KCND3: variants seen among roughly 807,000 people sequenced by gnomAD.
The protein encoded by KCND3 is potassium voltage-gated channel subfamily D member 3.
A neutral mutation model predicts 51.1 loss-of-function variants in KCND3; 9 were observed. That is an observed-to-expected ratio of 0.18 (90% CI 0.11 to 0.31). KCND3 has a LOEUF of 0.31. Among genes scored for constraint, KCND3 ranks in the 10% least tolerant of loss-of-function variants. The pLI, the probability that KCND3 is intolerant of heterozygous loss-of-function variation, is 1.00. For synonymous variants in KCND3, 349 were observed against 368.0 expected, an observed-to-expected ratio of 0.95 and a Z score of 0.59; for missense variants, 526 against 903.8, an observed-to-expected ratio of 0.58 and a Z score of 5.36.
intron 2 of KCND3, among the ~76,000 whole-genome samples, chr1:111,800,736 C>T (rs1042382208): frequency 6.6e-6 from 1 of 152,162 alleles, no homozygotes; most frequent in East Asian, 1.9e-4. Flanking sequence ...CCACTTGCCC[C>T]CTGCCTAGTG....
chr1:111,961,353 C>T (rs911377883), intron 2 of KCND3, among the ~76,000 whole-genome samples: 1 of 152,220 alleles, frequency 6.6e-6, no homozygotes, highest in East Asian at 1.9e-4. Context: ...CCAACTCATC[C>T]CTGATAAATA....
intron 6 of KCND3, 71 bp downstream of exon 6, chr1:111,778,365 A>T (rs1477972567): frequency 6.9e-7 from 1 of 1,450,216 alleles, no homozygotes; most frequent in Non-Finnish European, 9.7e-7. Flanking sequence ...CCGGGGGGTA[A>T]AAAGGGGAGA....
intron 2 of KCND3, among the ~76,000 whole-genome samples, chr1:111,933,726 G>A (rs1284848606): frequency 6.6e-6 from 1 of 152,098 alleles, no homozygotes; most frequent in Non-Finnish European, 1.5e-5. Flanking sequence ...TCTCCTCCAG[G>A]AAGCTTTCCA....
intron 2 of KCND3, among the ~76,000 whole-genome samples, chr1:111,833,367 C>A (rs1345571315): frequency 1.3e-5 from 2 of 152,246 alleles, no homozygotes; most frequent in Non-Finnish European, 1.5e-5. Context: ...TTATCGGTAT[C>A]CAATATATCC....
chr1:111,829,354 G>C (rs1484864851), intron 2 of KCND3, among the ~76,000 whole-genome samples: 1 of 152,208 alleles, frequency 6.6e-6, no homozygotes, highest in East Asian at 1.9e-4. Context: ...GGCTGGAAGA[G>C]TGAAGCAGCA....
chr1:111,779,485 C>A (rs992334351), intron 5 of KCND3, among the ~76,000 whole-genome samples: 2 of 152,132 alleles, frequency 1.3e-5, no homozygotes, highest in Non-Finnish European at 2.9e-5. Context: ...CTTTGTTTCT[C>A]CTTGGCTTTT....
At chr1:111,836,210 GTC>G (rs1178365449) in intron 2 of KCND3, among the ~76,000 whole-genome samples, 24 of 152,334 alleles carry the variant, frequency 1.6e-4, no homozygotes, top group African/African-American at 5.5e-4. Flanking sequence ...GAAGAACCAA[GTC>G]ATGGGTACTG....
chr1:111,939,033 A>G (rs1672359174), intron 2 of KCND3, among the ~76,000 whole-genome samples: 1 of 152,222 alleles, frequency 6.6e-6, no homozygotes, highest in African/African-American at 2.4e-5. Context: ...CAGAACTGGC[A>G]TCACCAGGAA....
In KCND3 at chr1:111,981,102, A is replaced by C. The variant is rs1173110617; in HGVS notation, c.1106+519T>G. 6.6e-6 allele frequency among the ~76,000 whole-genome samples: 1 copy of C among 152,240 alleles called. No homozygotes were observed. The highest frequency in any genetic ancestry group is 1.5e-5 in the Non-Finnish European group (1 of 68,044). On this transcript the variant is annotated intron_variant, in intron 2 of 7. Transcript: ENST00000302127. This position sits in a 1 kb window ranked among gnomAD's most constrained non-coding sequence, Gnocchi z 6.2. ...AACGCTTGAGTGTCTGTGGCAGCAC[A>C]GGAGAAAAGCATAACAAATGGGAAA...
At chr1:111,962,240 G>A (rs2101934267) in intron 2 of KCND3, among the ~76,000 whole-genome samples, 1 of 152,330 alleles carries the variant, frequency 6.6e-6, no homozygotes, top group East Asian at 1.9e-4. Flanking sequence ...GAAAGTGGCA[G>A]AGCTGCAGAT....
rs563207710 is a variant in KCND3, at chr1:111,977,480, CTG to C, written c.1106+4139_1106+4140del. 2.4e-4 allele frequency among the ~76,000 whole-genome samples: 36 copies of C among 152,280 alleles called. No individual in the cohort carries two copies. In the East Asian group the frequency reaches 5.6e-3, roughly 24 times the overall value. ...TTTTCATTAAAGTGATTTTTGGACA[CTG>C]TCAAACGCTCTCTCATCTCAGAGCA... On this transcript the variant is annotated intron_variant, in intron 2 of 7. Coordinates refer to ENST00000302127, the MANE Select transcript of KCND3 (RefSeq NM_001378969.1).
At chr1:111,892,072 G>A (rs1302638040) in intron 2 of KCND3, among the ~76,000 whole-genome samples, 1 of 152,064 alleles carries the variant, frequency 6.6e-6, no homozygotes, top group Non-Finnish European at 1.5e-5. Flanking sequence ...GGCTGTTCAG[G>A]GTCTTGCAGA....
intron 2 of KCND3, among the ~76,000 whole-genome samples, chr1:111,901,235 G>A (rs1236399250): frequency 6.6e-6 from 1 of 152,152 alleles, no homozygotes; most frequent in Non-Finnish European, 1.5e-5. Flanking sequence ...GGAGTCCAAA[G>A]GGTGATGTGT....
intron 2 of KCND3, among the ~76,000 whole-genome samples, chr1:111,834,451 T>C (rs2101626925): frequency 6.6e-6 from 1 of 152,344 alleles, no homozygotes; most frequent in Admixed American, 6.5e-5. Context: ...TCCTTCTGGC[T>C]AAGCTCCAAT....
At chr1:111,942,250 G>T (rs1010664781) in intron 2 of KCND3, among the ~76,000 whole-genome samples, 3 of 152,164 alleles carry the variant, frequency 2.0e-5, no homozygotes, top group African/African-American at 7.2e-5. Context: ...CAATATACCA[G>T]GCACAGTTCT....
chr1:111,969,135 C>A (rs1571920098), intron 2 of KCND3, among the ~76,000 whole-genome samples: 1 of 152,166 alleles, frequency 6.6e-6, no homozygotes, highest in African/African-American at 2.4e-5. Flanking sequence ...CCACTGCCTG[C>A]CTGCCACGGG....
chr1:111,870,051 A>C (rs1281781247), intron 2 of KCND3, among the ~76,000 whole-genome samples: 3 of 152,262 alleles, frequency 2.0e-5, no homozygotes, highest in Non-Finnish European at 4.4e-5. Context: ...ATACTGGCAG[A>C]CTAATAATAG....
At chr1:111,832,448 A>G (rs184999294) in intron 2 of KCND3, among the ~76,000 whole-genome samples, 3 of 152,338 alleles carry the variant, frequency 2.0e-5, no homozygotes, top group African/African-American at 4.8e-5. Context: ...AAACATTACT[A>G]TAATTCTCCA....
At chr1:111,966,580 C>T (rs780042510) in intron 2 of KCND3, among the ~76,000 whole-genome samples, 1 of 152,240 alleles carries the variant, frequency 6.6e-6, no homozygotes, top group African/African-American at 2.4e-5. Flanking sequence ...CTCCACCCAC[C>T]GACGGACTTC....
Sources: gnomAD v4.1 joint callset for allele counts (sites outside exome capture counted in the v4.1 genomes callset) on GRCh38, gnomAD v4.1.1 for gene constraint, Gnocchi (gnomAD v3.1) non-coding constraint, MANE v1.5 for transcripts, NCBI Gene and HGNC (gene_info 2026-07-23, HGNC 2026-07-21) for gene names.